UGT2B10: variants seen among roughly 807,000 people sequenced by gnomAD.
UGT2B10 encodes UDP-glucuronosyltransferase 2B10.
UGT2B10 carries 51 observed loss-of-function variants against 43.7 expected under a neutral mutation model. The ratio of observed to expected loss-of-function variants is 1.17; its 90% confidence interval spans 0.93 to 1.47. UGT2B10 has a LOEUF of 1.47. Among genes scored for constraint, UGT2B10 ranks in the 40% most tolerant of loss-of-function variants. The pLI is 0.00. For synonymous variants in UGT2B10, 225 were observed against 209.0 expected (o/e 1.08, Z -0.66); for missense variants, 696 against 617.7 (o/e 1.13, Z -1.34).
At chr4:68,828,601 C>T (rs1367689068) in intron 5 of UGT2B10, among the ~76,000 whole-genome samples, 4 of 151,780 alleles carry the variant, frequency 2.6e-5, no homozygotes, top group African/African-American at 9.7e-5. Flanking sequence ...TCAACCTAAA[C>T]AGACTTTTTT....
At chr4:68,817,896 A>G in intron 1 of UGT2B10, 133 bp from the exon 2 acceptor site, 1 of 1,017,968 alleles carries the variant, frequency 9.8e-7, no homozygotes. Context: ...CTATATATGA[A>G]TATATGTACA....
At chr4:68,826,295 G>A (rs1737769787) in intron 3 of UGT2B10, 115 bp from the exon 4 acceptor site, 1 of 1,142,362 alleles carries the variant, frequency 8.8e-7, no homozygotes, top group Non-Finnish European at 1.2e-6. Context: ...ATCAGTCTTT[G>A]AGTAGATTTA....
At chr4:68,820,642 C>G (rs765599814) in intron 2 of UGT2B10, among the ~76,000 whole-genome samples, 61 of 151,838 alleles carry the variant, frequency 4.0e-4, no homozygotes, top group South Asian at 1.0e-3. Flanking sequence ...AAATATAACA[C>G]GATGGCAAAT....
chr4:68,823,679 A>T (rs1202099701), intron 3 of UGT2B10, among the ~76,000 whole-genome samples: 4 of 152,126 alleles, frequency 2.6e-5, no homozygotes, highest in African/African-American at 9.7e-5. Context: ...AGTTTTTAAA[A>T]TTTTTTAAAA....
intron 3 of UGT2B10, among the ~76,000 whole-genome samples, chr4:68,824,846 C>G (rs1913315): frequency 2.5e-4 from 38 of 152,186 alleles, no homozygotes; most frequent in South Asian, 1.0e-3. Flanking sequence ...TGAGGTTATT[C>G]AAAAGCTTTA....
intron 3 of UGT2B10, among the ~76,000 whole-genome samples, chr4:68,823,290 G>A (rs1254807311): frequency 1.3e-5 from 2 of 151,916 alleles, no homozygotes; most frequent in East Asian, 1.9e-4. Flanking sequence ...GGCAGATCAC[G>A]AGGTCAGGAG....
At chr4:68,823,751 G>A (rs190904243) in intron 3 of UGT2B10, among the ~76,000 whole-genome samples, 1 of 152,150 alleles carries the variant, frequency 6.6e-6, no homozygotes, top group African/African-American at 2.4e-5. Flanking sequence ...GAGCTTTTGG[G>A]AAAGCACTAA....
In UGT2B10 at chr4:68,831,857, G is replaced by A. The variant is rs1009368745; in HGVS notation, c.*978G>A. Among the ~76,000 whole-genome samples, 1 of 151,998 alleles carries A rather than the reference G, an allele frequency of 6.6e-6. No individual in the cohort carries two copies. The highest frequency in any genetic ancestry group is 2.4e-5 in the African/African-American group (1 of 41,418). On this transcript the variant is annotated 3_prime_UTR_variant, in exon 6 of 6. Transcript: ENST00000265403. ...TATTATTGATCAATCCAACTGCAAAGTTCACCTTACCTGACTAAGGATTAT... is the reference window on the plus strand; with the variant it reads ...TATTATTGATCAATCCAACTGCAAAATTCACCTTACCTGACTAAGGATTAT...
chr4:68,824,388 C>T (rs1194905793), intron 3 of UGT2B10, among the ~76,000 whole-genome samples: 1 of 152,140 alleles, frequency 6.6e-6, no homozygotes, highest in Admixed American at 6.6e-5. Context: ...AAGGACTCAG[C>T]ACTAATTACC....
chr4:68,817,424 C>T (rs1320841677), intron 1 of UGT2B10, among the ~76,000 whole-genome samples: 1 of 151,694 alleles, frequency 6.6e-6, no homozygotes, highest in African/African-American at 2.4e-5. Flanking sequence ...TGGTCGAGTA[C>T]AGATCTCTAT....
intron 5 of UGT2B10, 32 bp from the exon 6 acceptor site, chr4:68,830,568 T>C: frequency 6.3e-7 from 1 of 1,576,756 alleles, no homozygotes; most frequent in South Asian, 1.2e-5. Flanking sequence ...TAACTTACTT[T>C]CAGTGTCGGT....
chr4:68,816,334 G>T lies in UGT2B10; in HGVS notation c.315G>T (p.Trp105Cys). 6.2e-7 allele frequency: 1 copy of T among 1,613,000 alleles called. No homozygotes were observed. The highest frequency in any genetic ancestry group is 8.5e-7 in the Non-Finnish European group (1 of 1,179,364). The change falls in exon 1 of 6, where the codon TGG becomes TGT. Residue 105 changes from tryptophan to cysteine, a missense_variant. Physicochemically the swap from Trp to Cys is radical, Grantham distance 215. Transcript: ENST00000265403. ...RLSEIQKDTF[W>C]LPFSQEQEIL... ...CAGAAATTCAAAAAGATACATTTTG[G>T]TTACCTTTTTCACAAGAACAAGAAA...
At chr4:68,825,048 T>TA (rs1737700396) in intron 3 of UGT2B10, among the ~76,000 whole-genome samples, 2 of 152,090 alleles carry the variant, frequency 1.3e-5, no homozygotes, top group South Asian at 2.1e-4. Context: ...TTATTTCTTG[T>TA]AGTAGCTTAT....
intron 3 of UGT2B10, among the ~76,000 whole-genome samples, chr4:68,826,006 T>G (rs1737753572): frequency 6.6e-6 from 1 of 152,088 alleles, no homozygotes; most frequent in Non-Finnish European, 1.5e-5. Context: ...ATCATGATAT[T>G]TTTTGAGTTT....
chr4:68,824,129 T>A (rs1256910046), intron 3 of UGT2B10, among the ~76,000 whole-genome samples: 1 of 152,232 alleles, frequency 6.6e-6, no homozygotes, highest in Non-Finnish European at 1.5e-5. Context: ...CCTCAGATAC[T>A]TCCTCTACAT....
rs116305162 is a variant in UGT2B10, at chr4:68,828,106, A to T, written c.1307+558A>T. 6.4e-3 allele frequency among the ~76,000 whole-genome samples: 970 copies of T among 152,084 alleles called. 16 individuals are homozygous for T. Among genetic ancestry groups the T allele is most frequent in the African/African-American group, 0.022 (926 of 41,540 alleles). On this transcript the variant is annotated intron_variant, in intron 5 of 5. Transcript: ENST00000265403. ...GGAACATTTTTATCAACGCAAAAGAAACTGCAGTGACACCAAAATCACCTC... is the reference window on the plus strand; with the variant it reads ...GGAACATTTTTATCAACGCAAAAGATACTGCAGTGACACCAAAATCACCTC...
At chr4:68,829,772 G>T (rs750240429) in intron 5 of UGT2B10, among the ~76,000 whole-genome samples, 5 of 152,000 alleles carry the variant, frequency 3.3e-5, no homozygotes, top group Admixed American at 1.3e-4. Flanking sequence ...AAAATAGTAG[G>T]CCAATCTAGA....
rs759158682 is a variant in UGT2B10 at position 68,830,768 on chromosome 4, G to T, written c.1476G>T (p.Val492=). ...GGTTCCAGTACCACTCTTTGGATGT[G>T]ATTGGGTTCCTGCTGGCTTGTGTGG... ...LTWFQYHSLD[V]IGFLLACVAT... The change falls in exon 6 of 6, where the codon GTG becomes GTT. Residue 492 remains valine, a synonymous_variant. Transcript: ENST00000265403. 1.2e-6 allele frequency: 2 copies of T among 1,613,400 alleles called. No homozygotes were observed. Among genetic ancestry groups the T allele is most frequent in the Admixed American group, 3.3e-5 (2 of 59,942 alleles).
At chr4:68,823,800 G>T (rs1276187353) in intron 3 of UGT2B10, among the ~76,000 whole-genome samples, 2 of 152,030 alleles carry the variant, frequency 1.3e-5, no homozygotes, top group Non-Finnish European at 2.9e-5. Context: ...AATATACATG[G>T]ATGATGCTAT....
Sources: gnomAD v4.1 joint callset for allele counts (sites outside exome capture counted in the v4.1 genomes callset) on GRCh38, gnomAD v4.1.1 for gene constraint, MANE v1.5 for transcripts, NCBI Gene and HGNC (gene_info 2026-07-23, HGNC 2026-07-21) for gene names.